The following DNAH11 variants were observed in gnomAD, a reference collection of about 807,000 sequenced individuals.
DNAH11 encodes the protein axonemal beta dynein heavy chain 11.
In DNAH11, 442 loss-of-function variants were observed where a neutral mutation model predicts 526.0. The observed-to-expected ratio is 0.84, with a 90% CI of 0.78 to 0.91. The LOEUF is 0.91. Among genes scored for constraint, DNAH11 ranks in the 40% least tolerant of loss-of-function variants. DNAH11 has a pLI of 0.00. For synonymous variants in DNAH11, 2,461 were observed against 1,935.9 expected, an observed-to-expected ratio of 1.27 and a Z score of -7.12; for missense variants, 6,989 against 5,448.7, an observed-to-expected ratio of 1.28 and a Z score of -8.90.
chr7:21,727,642 A>G (rs963673340), intron 45 of DNAH11, among the ~76,000 whole-genome samples: 6 of 152,094 alleles, frequency 3.9e-5, no homozygotes, highest in African/African-American at 1.4e-4. Context: ...AAATCATGTC[A>G]TTCTGACTCA....
At chr7:21,576,183 G>A (rs1020298092) in intron 8 of DNAH11, among the ~76,000 whole-genome samples, 10 of 152,098 alleles carry the variant, frequency 6.6e-5, no homozygotes, top group Non-Finnish European at 1.5e-4. Flanking sequence ...CCCTTGAGGA[G>A]ACCAAACAGC....
At chr7:21,857,171 T>G (rs1035267578) in intron 68 of DNAH11, among the ~76,000 whole-genome samples, 1 of 152,168 alleles carries the variant, frequency 6.6e-6, no homozygotes, top group Non-Finnish European at 1.5e-5. Flanking sequence ...TTTCTATACA[T>G]GAGAAACAAG....
At chr7:21,630,242 T>C (rs919270433) in intron 25 of DNAH11, among the ~76,000 whole-genome samples, 2 of 152,102 alleles carry the variant, frequency 1.3e-5, no homozygotes, top group Non-Finnish European at 2.9e-5. Flanking sequence ...GCTTTAGTTG[T>C]CTCAATTTGT....
intron 66 of DNAH11, chr7:21,851,728 A>T (rs1429807838): frequency 8.6e-6 from 4 of 463,922 alleles, no homozygotes; most frequent in Non-Finnish European, 1.8e-5. Context: ...AGTGTTCCCG[A>T]GAAGCTGTGA....
At chr7:21,704,079 T>G (rs375079605) in intron 37 of DNAH11, among the ~76,000 whole-genome samples, 3 of 152,190 alleles carry the variant, frequency 2.0e-5, no homozygotes, top group Admixed American at 6.5e-5. Flanking sequence ...TCAGAGTACT[T>G]TGGATAAAAT....
At chr7:21,661,105 C>T (rs558847682) in intron 30 of DNAH11, among the ~76,000 whole-genome samples, 4 of 152,182 alleles carry the variant, frequency 2.6e-5, no homozygotes, top group African/African-American at 7.2e-5. Flanking sequence ...TAACGTCTCT[C>T]CTCAAGAATC....
intron 56 of DNAH11, among the ~76,000 whole-genome samples, chr7:21,774,399 G>A (rs1787573892): frequency 6.6e-6 from 1 of 152,078 alleles, no homozygotes. Context: ...TCTGGCTAAT[G>A]ACTGTGGCGA....
chr7:21,730,396 T>C (rs1431953160), intron 45 of DNAH11, among the ~76,000 whole-genome samples: 1 of 152,232 alleles, frequency 6.6e-6, no homozygotes, highest in Non-Finnish European at 1.5e-5. Context: ...CATTTCAGAT[T>C]AGGAATGCTC....
At chr7:21,824,656 G>A (rs1397751690) in intron 65 of DNAH11, among the ~76,000 whole-genome samples, 7 of 152,096 alleles carry the variant, frequency 4.6e-5, no homozygotes, top group Admixed American at 4.6e-4. Context: ...GACATAGGAA[G>A]GTGAAGATTC....
In DNAH11 at chr7:21,750,315, G is replaced by A. The variant is rs1449883645; in HGVS notation, c.8891G>A (p.Arg2964Lys). 1.2e-6 allele frequency: 2 copies of A among 1,605,818 alleles called. No individual in the cohort carries two copies. The highest frequency in any genetic ancestry group is 1.7e-5 in the Admixed American group (1 of 59,014). ...EVHALGMVDSRENCWKFFMAR... is the reference protein window; with the variant it reads ...EVHALGMVDSKENCWKFFMAR... ...CATGCTCTGGGCATGGTAGACTCCA[G>A]GGAAAACTGTTGGAAATTCTTTATG... Residue 2964 changes from arginine to lysine, a missense_variant, in exon 54 of 82, where the codon AGG becomes AAG. Physicochemically the swap from Arg to Lys is conservative, Grantham distance 26. Transcript: ENST00000409508.
In DNAH11 at chr7:21,702,807, T is replaced by G. The variant is rs768625161; in HGVS notation, c.6273+5T>G. On this transcript the variant is annotated splice_donor_5th_base_variant and intron_variant, in intron 37 of 81. Coordinates refer to ENST00000409508, the MANE Select transcript of DNAH11 (RefSeq NM_001277115.2). Reference sequence around the variant, plus strand: ...AAAAATAGACCCGAAGATCAGGTACTGCAATGCTAATATGATTTTGTTGAG... The same window carrying G: ...AAAAATAGACCCGAAGATCAGGTACGGCAATGCTAATATGATTTTGTTGAG... The G allele has an allele frequency of 3.7e-6, 6 of 1,610,480 alleles. No homozygotes were observed. The highest frequency in any genetic ancestry group is 5.1e-6 in the Non-Finnish European group (6 of 1,177,810).
chr7:21,561,306 C>A, intron 5 of DNAH11, 136 bp downstream of exon 5: 1 of 666,680 alleles, frequency 1.5e-6, no homozygotes, highest in Non-Finnish European at 2.6e-6. Context: ...ATGATAAATT[C>A]ATCTCACCCT....
intron 51 of DNAH11, among the ~76,000 whole-genome samples, chr7:21,746,116 G>A (rs1562523174): frequency 6.6e-6 from 1 of 152,138 alleles, no homozygotes; most frequent in Non-Finnish European, 1.5e-5. Context: ...TTACCCTGGG[G>A]ATGACACAGT....
rs765917782 is a variant in DNAH11 at position 21,787,607 on chromosome 7, T to C, written c.9924+24T>C. ...AGGTATCAATCCTAAATTGATTGTTTACAGATGTTCTCCACAAAGGGCTGC... is the reference window on the plus strand; with the variant it reads ...AGGTATCAATCCTAAATTGATTGTTCACAGATGTTCTCCACAAAGGGCTGC... On this transcript the variant is annotated intron_variant, in intron 60 of 81. Transcript: ENST00000409508. 5 of 1,574,146 alleles carry C rather than the reference T, an allele frequency of 3.2e-6. No homozygotes were observed. The South Asian group carries it at 3.6e-5, about 11-fold the overall frequency.
chr7:21,808,093 T>C lies in DNAH11; in HGVS notation c.10332+44T>C, dbSNP rs747436313. On this transcript the variant is annotated intron_variant, in intron 63 of 81. Coordinates refer to ENST00000409508, the MANE Select transcript of DNAH11 (RefSeq NM_001277115.2). ...CTTGTCAGCAGGTAGAAAGATCACA[T>C]TGAAATTTCAGTAGTAAAACCCACA... 6.8e-5 allele frequency: 91 copies of C among 1,346,728 alleles called. No individual in the cohort carries two copies. In the Middle Eastern group the frequency reaches 2.6e-3, roughly 39 times the overall value. The allele number at this position is 1,346,728 out of a possible 1,614,324, so 83.4% of individuals were successfully genotyped here.
rs191802172 is a variant in DNAH11 at position 21,894,919 on chromosome 7, G to C, written c.12969G>C (p.Gln4323His). Residue 4323 changes from glutamine (Q) to histidine (H), a missense_variant, in exon 79 of 82, where the codon CAG becomes CAC. Gln to His is a conservative substitution (Grantham distance 24). Transcript: ENST00000409508. The stretch of plus-strand genomic sequence containing the variant: ...CATTATCTCCTGCTGTGGAAGCCCA[G>C]CAGTTTGCATTGAGTTATGACACGG... Reference protein sequence around the residue: ...ELALSPAVEAQQFALSYDTVP... With the variant: ...ELALSPAVEAHQFALSYDTVP... The C allele has an allele frequency of 1.1e-4, 183 of 1,614,002 alleles. No individual in the cohort carries two copies. The African/African-American group carries it at 2.2e-3, about 20-fold the overall frequency.
At chr7:21,655,079 C>G (rs1191511865) in intron 28 of DNAH11, among the ~76,000 whole-genome samples, 1 of 150,996 alleles carries the variant, frequency 6.6e-6, no homozygotes, top group Non-Finnish European at 1.5e-5. Context: ...CCCCCCCACC[C>G]CCAAATTGTC....
chr7:21,630,438 A>T (rs1786551888), intron 25 of DNAH11, among the ~76,000 whole-genome samples: 1 of 152,152 alleles, frequency 6.6e-6, no homozygotes, highest in Admixed American at 6.5e-5. Flanking sequence ...ACATTGTTTA[A>T]TGTCAGTGTT....
intron 59 of DNAH11, 76 bp downstream of exon 59, chr7:21,786,843 G>T: frequency 6.4e-7 from 1 of 1,551,780 alleles, no homozygotes; most frequent in Admixed American, 1.7e-5. Flanking sequence ...ATGCTTAATA[G>T]CAAAAGATGT....
Sources: gnomAD v4.1 joint callset for allele counts (sites outside exome capture counted in the v4.1 genomes callset) on GRCh38, gnomAD v4.1.1 for gene constraint, MANE v1.5 for transcripts, NCBI Gene and HGNC (gene_info 2026-07-23, HGNC 2026-07-21) for gene names.